The following DLC1 variants were observed in gnomAD, a reference collection of about 807,000 sequenced individuals.
DLC1 encodes DLC1 Rho GTPase activating protein.
DLC1 carries 54 observed loss-of-function variants against 140.3 expected under a neutral mutation model. That is an observed-to-expected ratio of 0.38 (90% CI 0.31 to 0.48). The LOEUF (loss-of-function observed/expected upper bound fraction) is 0.48, where lower values mean the gene tolerates loss of function less well. Among genes scored for constraint, DLC1 ranks in the 20% least tolerant of loss-of-function variants. The pLI, the probability that DLC1 is intolerant of heterozygous loss-of-function variation, is 0.96. For missense variants in DLC1, 2,536 were observed against 1,907.0 expected, an observed-to-expected ratio of 1.33 and a Z score of -6.14; for synonymous variants, 986 against 728.1, an observed-to-expected ratio of 1.35 and a Z score of -5.70.
intron 5 of DLC1, among the ~76,000 whole-genome samples, chr8:13,131,815 G>C (rs1441157579): frequency 6.6e-6 from 1 of 152,146 alleles, no homozygotes; most frequent in African/African-American, 2.4e-5. Flanking sequence ...CAGCTAGCAG[G>C]CTGCTGACCA....
At chr8:13,378,099 C>T (rs1449756625) in intron 4 of DLC1, among the ~76,000 whole-genome samples, 1 of 142,686 alleles carries the variant, frequency 7.0e-6, no homozygotes, top group Non-Finnish European at 1.5e-5. Context: ...TATTATTATA[C>T]TTTAAGTTTT....
chr8:13,515,224 A>T (rs541100675), upstream of DLC1, among the ~76,000 whole-genome samples: 1 of 152,244 alleles, frequency 6.6e-6, no homozygotes, highest in Admixed American at 6.5e-5. Flanking sequence ...AGATCTTTTA[A>T]GAGAGCAAGA....
intron 4 of DLC1, among the ~76,000 whole-genome samples, chr8:13,349,798 C>G (rs1261071965): frequency 6.6e-6 from 1 of 152,090 alleles, no homozygotes; most frequent in Non-Finnish European, 1.5e-5. Context: ...GAAGGAGAAT[C>G]TAGAAAAGGG....
At chr8:13,430,745 G>C (rs1044349352) in intron 2 of DLC1, among the ~76,000 whole-genome samples, 1 of 151,944 alleles carries the variant, frequency 6.6e-6, no homozygotes, top group Non-Finnish European at 1.5e-5. Flanking sequence ...TTTATTTCTT[G>C]GTTAAAATTC....
intron 4 of DLC1, among the ~76,000 whole-genome samples, chr8:13,361,708 T>C: frequency 6.6e-6 from 1 of 152,214 alleles, no homozygotes; most frequent in Non-Finnish European, 1.5e-5. Flanking sequence ...TATGAACTTT[T>C]AGACAAGTTT....
At chr8:13,321,801 G>T (rs1213366626) in intron 4 of DLC1, among the ~76,000 whole-genome samples, 1 of 152,092 alleles carries the variant, frequency 6.6e-6, no homozygotes, top group African/African-American at 2.4e-5. Flanking sequence ...TTTGCAGGCT[G>T]TCTTGATAAT....
At chr8:13,192,984 G>C (rs374495049) in intron 5 of DLC1, among the ~76,000 whole-genome samples, 3 of 152,184 alleles carry the variant, frequency 2.0e-5, no homozygotes, top group Non-Finnish European at 2.9e-5. Context: ...AACTAATACA[G>C]TGACCCTCTT....
intron 5 of DLC1, among the ~76,000 whole-genome samples, chr8:13,205,261 C>T (rs1423174205): frequency 6.6e-6 from 1 of 152,164 alleles, no homozygotes; most frequent in African/African-American, 2.4e-5. Context: ...GTACCCCCGG[C>T]AATTGTGCAA....
intron 5 of DLC1, among the ~76,000 whole-genome samples, chr8:13,300,669 C>T (rs955034098): frequency 2.0e-5 from 3 of 152,016 alleles, no homozygotes; most frequent in African/African-American, 7.2e-5. Context: ...GACATGTATC[C>T]GGTCCAGTGA....
At chr8:13,123,116 G>A (rs888192526) in intron 5 of DLC1, among the ~76,000 whole-genome samples, 11 of 152,140 alleles carry the variant, frequency 7.2e-5, no homozygotes, top group South Asian at 2.1e-4. Flanking sequence ...ACTTAGAAAC[G>A]AACTGGTTTC....
intron 5 of DLC1, among the ~76,000 whole-genome samples, chr8:13,159,284 A>G (rs183165915): frequency 2.0e-5 from 3 of 152,296 alleles, no homozygotes; most frequent in Admixed American, 6.5e-5. Flanking sequence ...CTCCTAAGTG[A>G]GAGTATCACA....
At chr8:13,540,849 C>G (rs1475016775) in intron 1 of DLC1, among the ~76,000 whole-genome samples, 1 of 152,070 alleles carries the variant, frequency 6.6e-6, no homozygotes, top group African/African-American at 2.4e-5. Flanking sequence ...AGAAGGACAC[C>G]AGAACAGGAG....
chr8:13,350,105 C>T (rs1330443980), intron 4 of DLC1, among the ~76,000 whole-genome samples: 1 of 152,170 alleles, frequency 6.6e-6, no homozygotes, highest in Non-Finnish European at 1.5e-5. Flanking sequence ...CAAATGACGC[C>T]TCTGTGGCCA....
intron 1 of DLC1, among the ~76,000 whole-genome samples, chr8:13,546,916 G>A (rs772669594): frequency 6.6e-6 from 1 of 152,054 alleles, no homozygotes; most frequent in South Asian, 2.1e-4. Context: ...GTATCCTAGA[G>A]TGAAGAAGTC....
intron 5 of DLC1, among the ~76,000 whole-genome samples, chr8:13,262,475 A>G (rs1830505244): frequency 6.6e-6 from 1 of 152,202 alleles, no homozygotes; most frequent in Admixed American, 6.5e-5. Context: ...AGTAAAATGA[A>G]AAGAGGTCAT....
At chr8:13,144,502 A>C (rs1329879363) in intron 5 of DLC1, among the ~76,000 whole-genome samples, 1 of 152,206 alleles carries the variant, frequency 6.6e-6, no homozygotes, top group Non-Finnish European at 1.5e-5. Flanking sequence ...ACAGTGGCTC[A>C]TGCCTGTAAT....
At chr8:13,570,108 C>G (rs941787938) in intron 1 of DLC1, among the ~76,000 whole-genome samples, 5 of 152,176 alleles carry the variant, frequency 3.3e-5, no homozygotes, top group Non-Finnish European at 7.3e-5. Flanking sequence ...AGTTGTTTAT[C>G]TCTGATATGG....
At chr8:13,350,645 G>A (rs1392038779) in intron 4 of DLC1, among the ~76,000 whole-genome samples, 2 of 152,134 alleles carry the variant, frequency 1.3e-5, no homozygotes, top group African/African-American at 4.8e-5. Context: ...GAACCAGGGA[G>A]GCGGAGGTTG....
At chr8:13,125,482 T>C (rs1042571336) in intron 5 of DLC1, among the ~76,000 whole-genome samples, 3 of 152,216 alleles carry the variant, frequency 2.0e-5, no homozygotes, top group Non-Finnish European at 2.9e-5. Context: ...TACAGCAGCA[T>C]GTTGTCTTCC....
Sources: allele counts gnomAD v4.1 joint callset (sites outside exome capture counted in the v4.1 genomes callset), GRCh38; gene constraint gnomAD v4.1.1; transcripts MANE v1.5; gene names NCBI Gene and HGNC (gene_info 2026-07-23, HGNC 2026-07-21).